Variants in FAIM2 observed in about 807,000 individuals in gnomAD.
The protein encoded by FAIM2 is protein lifeguard 2.
FAIM2 carries 27 observed loss-of-function variants against 47.4 expected under a neutral mutation model. The observed-to-expected ratio is 0.57, with a 90% CI of 0.42 to 0.78. The LOEUF (loss-of-function observed/expected upper bound fraction) is 0.78. FAIM2 is among the 30% of genes least tolerant of loss of function. The pLI is 0.00. For synonymous variants in FAIM2, 156 were observed against 159.3 expected, an observed-to-expected ratio of 0.98 and a Z score of 0.16; for missense variants, 311 against 389.4, an observed-to-expected ratio of 0.80 and a Z score of 1.69.
At chr12:49,877,771 T>C (rs1946747012) in intron 11 of FAIM2, among the ~76,000 whole-genome samples, 4 of 152,140 alleles carry the variant, frequency 2.6e-5, no homozygotes, top group Admixed American at 2.6e-4. Flanking sequence ...TGTGCGTATG[T>C]ATATGTGTGT....
chr12:49,895,386 C>T (rs1946929199), intron 5 of FAIM2, among the ~76,000 whole-genome samples: 1 of 152,102 alleles, frequency 6.6e-6, no homozygotes, highest in Admixed American at 6.5e-5. Context: ...CACTCCTGGG[C>T]TGTCTCCCTG....
At chr12:49,897,961 C>A (rs1212730972) in intron 3 of FAIM2, 26 bp downstream of exon 3, 27 of 1,581,246 alleles carry the variant, frequency 1.7e-5, no homozygotes, top group South Asian at 3.3e-5. Flanking sequence ...GGCTCCCAGT[C>A]CCAGAGGGCT....
rs558164217 is a variant in FAIM2 at position 49,868,204 on chromosome 12, T to C, written c.*2300A>G. On this transcript the variant is annotated 3_prime_UTR_variant, in exon 12 of 12. Transcript: ENST00000320634. Reference sequence around the variant, plus strand: ...AACCCTCTGGAACTGAGGCCAGAGATGAGGAGAGGAAACTGAGGGGCCCGG... The same window carrying C: ...AACCCTCTGGAACTGAGGCCAGAGACGAGGAGAGGAAACTGAGGGGCCCGG... The C allele has an allele frequency of 6.6e-6, 1 of 151,846 alleles. No individual in the cohort carries two copies. The highest frequency in any genetic ancestry group is 1.5e-5 in the Non-Finnish European group (1 of 68,046). 9.4% of individuals were successfully genotyped at this position (151,846 alleles called of 1,614,324 possible).
At chr12:49,876,317 C>T (rs1946736044) in intron 11 of FAIM2, among the ~76,000 whole-genome samples, 2 of 152,178 alleles carry the variant, frequency 1.3e-5, no homozygotes, top group East Asian at 1.9e-4. Context: ...AGCACAAAGA[C>T]GTTACATAAC....
At chr12:49,900,059 G>A in intron 2 of FAIM2, 2 of 414,594 alleles carry the variant, frequency 4.8e-6, no homozygotes, top group East Asian at 7.5e-5. Flanking sequence ...TTCTGCGAAA[G>A]CCCAGGTGGC....
rs186665313 is a variant in FAIM2 at position 49,885,373 on chromosome 12, C to T, written c.801+2013G>A. ...CCTGGCTTGGCCCCTCTTCTGTCCC[C>T]TGCAAATGCCTCCCTCTAGGGCCTC... On this transcript the variant is annotated intron_variant, in intron 11 of 11. Transcript: ENST00000320634. Among the ~76,000 whole-genome samples the T allele has an allele frequency of 2.5e-3, 387 of 152,342 alleles. 2 individuals are homozygous for T. The highest frequency in any genetic ancestry group is 4.4e-3 in the Non-Finnish European group (296 of 68,030).
At chr12:49,891,204 C>T (rs957467643) in intron 5 of FAIM2, 90 bp from the exon 6 acceptor site, 1 of 1,249,730 alleles carries the variant, frequency 8.0e-7, no homozygotes, top group African/African-American at 1.5e-5. Flanking sequence ...CTGCCACCCC[C>T]ACCCACAGGG....
chr12:49,876,757 G>C (rs1946739644), intron 11 of FAIM2, among the ~76,000 whole-genome samples: 2 of 152,094 alleles, frequency 1.3e-5, no homozygotes, highest in South Asian at 4.1e-4. Context: ...GGGTGACAGA[G>C]CGAGACTCCA....
chr12:49,875,849 A>G (rs1355601661), intron 11 of FAIM2, among the ~76,000 whole-genome samples: 1 of 152,112 alleles, frequency 6.6e-6, no homozygotes, highest in Middle Eastern at 3.4e-3. Flanking sequence ...GGTGGTGGGC[A>G]CCTGTAATCC....
intron 4 of FAIM2, among the ~76,000 whole-genome samples, 200 bp from the exon 5 acceptor site, chr12:49,897,284 G>A (rs1313473512): frequency 6.6e-6 from 1 of 152,128 alleles, no homozygotes; most frequent in Admixed American, 6.5e-5. Flanking sequence ...CTAGTGGTTC[G>A]GATCAGAAGG....
At chr12:49,898,615 TC>T (rs1334354046) in intron 2 of FAIM2, among the ~76,000 whole-genome samples, 2 of 152,096 alleles carry the variant, frequency 1.3e-5, no homozygotes, top group East Asian at 3.9e-4. Flanking sequence ...AGCCTCGACT[TC>T]CCCTGGCTCA....
At chr12:49,897,459 C>T in intron 4 of FAIM2, 60 bp downstream of exon 4, 1 of 1,514,598 alleles carries the variant, frequency 6.6e-7, no homozygotes, top group Admixed American at 1.7e-5. Flanking sequence ...CATGGGTTCC[C>T]CGGCTCCAGG....
rs1946688242 is a variant in FAIM2 at position 49,869,688 on chromosome 12, G to T, written c.*816C>A. On this transcript the variant is annotated 3_prime_UTR_variant, in exon 12 of 12. Transcript: ENST00000320634. ...TGGAGAAGTGAGTGAGAGGATGTGG[G>T]TCTCGGTCCTGCAACCCCAAATGCC... The T allele has an allele frequency of 6.6e-6, 1 of 151,892 alleles. No individual in the cohort carries two copies. The highest frequency in any genetic ancestry group is 2.1e-4 in the South Asian group (1 of 4,792). The allele number at this position is 151,892 out of a possible 1,614,324, so 9.4% of individuals were successfully genotyped here.
chr12:49,889,190 A>T lies in FAIM2; in HGVS notation c.664T>A (p.Ser222Thr). ...FSFQTKFDFTSCQGVLFVLLM... is the reference protein window; with the variant it reads ...FSFQTKFDFTTCQGVLFVLLM... ...AGCACGAAGAGCACGCCCTGGCAGGAGGTGAAGTCGAACTGTGGGGACAGG... is the reference window on the plus strand; with the variant it reads ...AGCACGAAGAGCACGCCCTGGCAGGTGGTGAAGTCGAACTGTGGGGACAGG... The change falls in exon 10 of 12, where the codon TCC becomes ACC. Residue 222 changes from serine (S) to threonine (T), a missense_variant. Ser to Thr is a moderately conservative substitution (Grantham distance 58, BLOSUM62 1). Coordinates refer to ENST00000320634, the MANE Select transcript of FAIM2 (RefSeq NM_012306.4). 1 of 1,610,864 alleles carries T rather than the reference A, an allele frequency of 6.2e-7. No individual in the cohort carries two copies. Among genetic ancestry groups the T allele is most frequent in the East Asian group, 2.2e-5 (1 of 44,822 alleles).
intron 2 of FAIM2, among the ~76,000 whole-genome samples, chr12:49,899,915 C>T (rs1254112626): frequency 6.6e-6 from 1 of 152,218 alleles, no homozygotes; most frequent in Non-Finnish European, 1.5e-5. Context: ...GGAAAACATT[C>T]CTTAAAACAG....
chr12:49,879,962 G>A (rs1178564857), intron 11 of FAIM2, among the ~76,000 whole-genome samples: 1 of 69,700 alleles, frequency 1.4e-5, no homozygotes, highest in Non-Finnish European at 2.6e-5. Context: ...GCTTGTATGT[G>A]CATGTGTGTG....
chr12:49,896,988 T>C (rs1482479672), intron 5 of FAIM2, 43 bp downstream of exon 5: 1 of 1,518,886 alleles, frequency 6.6e-7, no homozygotes, highest in Admixed American at 1.7e-5. Flanking sequence ...TTCTGGCCAC[T>C]AAGCCTTCTC....
Position 49,870,068 on chromosome 12 carries a change from CAGG to C in FAIM2, c.*433_*435del, listed in dbSNP as rs1946691044. The C allele has an allele frequency of 6.4e-6, 1 of 155,626 alleles. No individual in the cohort carries two copies. Among genetic ancestry groups the C allele is most frequent in the African/African-American group, 2.4e-5 (1 of 41,576 alleles). The allele number at this position is 155,626 out of a possible 1,614,324, so 9.6% of individuals were successfully genotyped here. ...CAATGCCTGACCTGGATGAGAAAGA[CAGG>C]AGGACACAGACTGGATGCAGGACAG... On this transcript the variant is annotated 3_prime_UTR_variant, in exon 12 of 12. Coordinates refer to ENST00000320634, the MANE Select transcript of FAIM2 (RefSeq NM_012306.4).
chr12:49,879,342 G>C (rs552066910), intron 11 of FAIM2, among the ~76,000 whole-genome samples: 4 of 149,004 alleles, frequency 2.7e-5, no homozygotes, highest in Non-Finnish European at 4.5e-5. Context: ...ATGTGTTTAT[G>C]TGTGCATGTG....
Sources: allele counts gnomAD v4.1 joint callset (sites outside exome capture counted in the v4.1 genomes callset), GRCh38; gene constraint gnomAD v4.1.1; transcripts MANE v1.5; gene names NCBI Gene and HGNC (gene_info 2026-07-23, HGNC 2026-07-21).